Variants in RAD51B observed in about 807,000 individuals in gnomAD.
RAD51B encodes RAD51 paralog B.
RAD51B carries 38 observed loss-of-function variants against 42.2 expected under a neutral mutation model. The ratio of observed to expected loss-of-function variants is 0.90; its 90% CI spans 0.70 to 1.18. The LOEUF is 1.18. Ranked by LOEUF, RAD51B falls within the 50% of genes most tolerant of loss-of-function variation. The probability of loss-of-function intolerance (pLI) is 0.00; values close to 1 mark genes in which losing one functional copy is unlikely to be tolerated. For missense variants in RAD51B, 373 were observed against 400.7 expected, an observed-to-expected ratio of 0.93 and a Z score of 0.59; for synonymous variants, 154 against 145.2, an observed-to-expected ratio of 1.06 and a Z score of -0.43.
intron 7 of RAD51B, among the ~76,000 whole-genome samples, chr14:68,033,645 A>G (rs1362654078): frequency 6.6e-6 from 1 of 152,234 alleles, no homozygotes; most frequent in Non-Finnish European, 1.5e-5. Flanking sequence ...AACAAGCTAC[A>G]TAGAAAGCAT....
intron 10 of RAD51B, among the ~76,000 whole-genome samples, chr14:68,537,993 GTTTA>G (rs879261956): frequency 2.0e-5 from 3 of 152,162 alleles, no homozygotes; most frequent in Non-Finnish European, 4.4e-5. Flanking sequence ...ATTTCTGGGT[GTTTA>G]TTTAAGTCAG....
chr14:68,258,994 TAACTA>T (rs2139533117), intron 7 of RAD51B, among the ~76,000 whole-genome samples: 2 of 152,250 alleles, frequency 1.3e-5, no homozygotes, highest in South Asian at 4.2e-4. Context: ...TAGTCAAGGT[TAACTA>T]GACTAGAATT....
chr14:68,074,511 G>T (rs146638388), intron 7 of RAD51B, among the ~76,000 whole-genome samples: 98 of 152,314 alleles, frequency 6.4e-4, no homozygotes, highest in African/African-American at 2.2e-3. Context: ...TCCAGATTCT[G>T]AATTCTACGT....
rs191405609 is a variant in RAD51B, at chr14:68,489,230, C to G, written c.1036+20980C>G. Among the ~76,000 whole-genome samples, 8 of 152,186 alleles carry G rather than the reference C, an allele frequency of 5.3e-5. No homozygotes were observed. The East Asian group carries it at 1.5e-3, about 29-fold the overall frequency. On this transcript the variant is annotated intron_variant, in intron 10 of 10. Coordinates refer to the RAD51B transcript ENST00000487270. ...TAGTCCGAATGCACCCTGGAGGCTG[C>G]CAGATTTCAACTCTTGGGATGCTAG... is the stretch of plus-strand genomic sequence containing the variant.
chr14:67,849,262 T>G (rs2041723368), intron 4 of RAD51B, among the ~76,000 whole-genome samples: 1 of 152,150 alleles, frequency 6.6e-6, no homozygotes, highest in Non-Finnish European at 1.5e-5. Context: ...TTTATAAAAT[T>G]CTTTATTCTT....
intron 9 of RAD51B, among the ~76,000 whole-genome samples, chr14:68,454,048 A>G (rs993885721): frequency 4.6e-5 from 7 of 152,246 alleles, no homozygotes; most frequent in African/African-American, 1.7e-4. Context: ...GAGCACCTGG[A>G]AATTAATAAT....
chr14:68,079,166 C>T (rs530698414), intron 7 of RAD51B, among the ~76,000 whole-genome samples: 1 of 152,178 alleles, frequency 6.6e-6, no homozygotes, highest in African/African-American at 2.4e-5. Context: ...CCAAAATAAT[C>T]ATTCTCTTTT....
intron 7 of RAD51B, among the ~76,000 whole-genome samples, chr14:68,009,682 T>C (rs1192177795): frequency 6.6e-6 from 1 of 151,896 alleles, no homozygotes; most frequent in African/African-American, 2.4e-5. Flanking sequence ...ATCACCTCAC[T>C]AGAGAGAACT....
intron 7 of RAD51B, among the ~76,000 whole-genome samples, chr14:68,018,218 A>G (rs1042675787): frequency 1.3e-5 from 2 of 152,202 alleles, no homozygotes; most frequent in African/African-American, 4.8e-5. Flanking sequence ...AATACATTTA[A>G]ATATAAGCAG....
At chr14:68,419,219 A>C (rs1424585253) in intron 9 of RAD51B, among the ~76,000 whole-genome samples, 2 of 152,228 alleles carry the variant, frequency 1.3e-5, no homozygotes, top group African/African-American at 4.8e-5. Flanking sequence ...TCAGGGTCAC[A>C]CAACTAGTAG....
At chr14:67,872,708 C>G (rs774365261) in intron 5 of RAD51B, among the ~76,000 whole-genome samples, 1 of 151,442 alleles carries the variant, frequency 6.6e-6, no homozygotes, top group Admixed American at 6.6e-5. Flanking sequence ...GCTACAGTAA[C>G]CAAAACAGCA....
chr14:67,859,637 T>A (rs953675491), intron 4 of RAD51B, among the ~76,000 whole-genome samples: 3 of 152,202 alleles, frequency 2.0e-5, no homozygotes, highest in Non-Finnish European at 4.4e-5. Flanking sequence ...ACATTTAAAG[T>A]TATGTGACAC....
At chr14:68,389,709 C>T (rs1204986423) in intron 8 of RAD51B, among the ~76,000 whole-genome samples, 1 of 152,126 alleles carries the variant, frequency 6.6e-6, no homozygotes, top group African/African-American at 2.4e-5. Context: ...ATAGGTAATA[C>T]AGAAAAGTAG....
intron 8 of RAD51B, among the ~76,000 whole-genome samples, chr14:68,406,647 A>G (rs2084283530): frequency 1.3e-5 from 2 of 152,160 alleles, no homozygotes; most frequent in Admixed American, 1.3e-4. Context: ...GGCTATATTC[A>G]TTGATAGAGA....
chr14:68,160,936 C>G (rs993077817), intron 7 of RAD51B, among the ~76,000 whole-genome samples: 22 of 152,160 alleles, frequency 1.4e-4, no homozygotes, highest in Non-Finnish European at 2.6e-4. Context: ...TTGAAACTCT[C>G]TTGGAATGTC....
intron 8 of RAD51B, among the ~76,000 whole-genome samples, chr14:68,381,403 C>T (rs1039865705): frequency 9.9e-5 from 15 of 152,206 alleles, no homozygotes; most frequent in African/African-American, 2.9e-4. Flanking sequence ...TGGCCGGGCA[C>T]GGTGGCTCAC....
intron 7 of RAD51B, among the ~76,000 whole-genome samples, chr14:67,898,911 T>C (rs2043514258): frequency 6.6e-6 from 1 of 152,232 alleles, no homozygotes; most frequent in African/African-American, 2.4e-5. Context: ...TAACAAAATG[T>C]AAATTAGAGG....
chr14:68,461,240 C>T (rs2085836728), intron 9 of RAD51B, among the ~76,000 whole-genome samples: 1 of 150,948 alleles, frequency 6.6e-6, no homozygotes, highest in South Asian at 2.1e-4. Context: ...AGAATGAAGA[C>T]TGCCAGTGTG....
At chr14:68,312,562 A>G (rs1416587308) in intron 8 of RAD51B, among the ~76,000 whole-genome samples, 1 of 150,296 alleles carries the variant, frequency 6.7e-6, no homozygotes, top group African/African-American at 2.4e-5. Flanking sequence ...ACTTTCAAGG[A>G]AAAAAAAATA....
Sources: gnomAD v4.1 joint callset for allele counts (sites outside exome capture counted in the v4.1 genomes callset) on GRCh38, gnomAD v4.1.1 for gene constraint, MANE v1.5 for transcripts, NCBI Gene and HGNC (gene_info 2026-07-23, HGNC 2026-07-21) for gene names.